Variants in ROCK1 observed in about 807,000 individuals in gnomAD.
The protein encoded by ROCK1 is rho-associated protein kinase 1.
Under a neutral mutation model 196.8 loss-of-function variants are expected in ROCK1, and 36 were observed. That is an observed-to-expected ratio of 0.18 (90% CI 0.14 to 0.24). The LOEUF is 0.24. Ranked by LOEUF, ROCK1 falls within the 10% of genes least tolerant of loss-of-function variation. The probability of loss-of-function intolerance (pLI) is 1.00; values close to 1 mark genes in which losing one functional copy is unlikely to be tolerated. For synonymous variants in ROCK1, 443 were observed against 515.9 expected (o/e 0.86, Z 1.91); for missense variants, 920 against 1,562.0 (o/e 0.59, Z 6.93).
intron 16 of ROCK1, among the ~76,000 whole-genome samples, chr18:21,004,595 A>G (rs1447001522): frequency 2.0e-5 from 3 of 152,252 alleles, no homozygotes; most frequent in Non-Finnish European, 4.4e-5. Context: ...TGTTGATAGT[A>G]CATGGATGAT....
chr18:21,031,621 A>AAG (rs1555750928), intron 9 of ROCK1, among the ~76,000 whole-genome samples: 19 of 150,236 alleles, frequency 1.3e-4, no homozygotes, highest in African/African-American at 3.9e-4. Flanking sequence ...AAAAAAAAAA[A>AAG]AAAAGAAAAT....
chr18:21,026,123 A>G (rs1268700406), intron 10 of ROCK1, among the ~76,000 whole-genome samples: 1 of 152,174 alleles, frequency 6.6e-6, no homozygotes, highest in Non-Finnish European at 1.5e-5. Flanking sequence ...ACCAAGTCAA[A>G]GAATAATTGA....
intron 9 of ROCK1, among the ~76,000 whole-genome samples, chr18:21,036,722 A>G (rs1461206899): frequency 6.6e-6 from 1 of 152,140 alleles, no homozygotes; most frequent in Non-Finnish European, 1.5e-5. Context: ...GATGACAAGC[A>G]TGAGCCACTG....
At chr18:21,051,384 G>C (rs538446688) in intron 2 of ROCK1, among the ~76,000 whole-genome samples, 1 of 152,284 alleles carries the variant, frequency 6.6e-6, no homozygotes, top group Admixed American at 6.5e-5. Flanking sequence ...AGCCCAGGAC[G>C]TGAAGGTTGC....
intron 9 of ROCK1, among the ~76,000 whole-genome samples, chr18:21,038,508 G>C (rs902962556): frequency 9.9e-5 from 15 of 152,044 alleles, no homozygotes; most frequent in Non-Finnish European, 2.1e-4. Flanking sequence ...TTGATAACTA[G>C]AATGCTTCAC....
intron 32 of ROCK1, among the ~76,000 whole-genome samples, chr18:20,951,894 A>G (rs1221534722): frequency 6.6e-6 from 1 of 152,178 alleles, no homozygotes; most frequent in Non-Finnish European, 1.5e-5. Context: ...TAATCTAGGG[A>G]GTACACTCTA....
At chr18:20,996,925 C>T (rs2035676356) in intron 16 of ROCK1, among the ~76,000 whole-genome samples, 1 of 151,924 alleles carries the variant, frequency 6.6e-6, no homozygotes, top group South Asian at 2.1e-4. Flanking sequence ...TCATGGTAAC[C>T]TCAAATCAAA....
chr18:20,981,915 G>C (rs994264521), intron 21 of ROCK1, among the ~76,000 whole-genome samples: 2 of 152,172 alleles, frequency 1.3e-5, no homozygotes, highest in Non-Finnish European at 2.9e-5. Flanking sequence ...AATCTGATTT[G>C]AAAACCCAGA....
intron 27 of ROCK1, among the ~76,000 whole-genome samples, chr18:20,965,432 C>G (rs574810264): frequency 6.7e-6 from 1 of 149,300 alleles, no homozygotes; most frequent in East Asian, 1.9e-4. Flanking sequence ...TACATACATA[C>G]ATACATACAT....
At chr18:21,066,368 T>C (rs924188292) in intron 2 of ROCK1, among the ~76,000 whole-genome samples, 4 of 152,216 alleles carry the variant, frequency 2.6e-5, no homozygotes, top group Admixed American at 2.0e-4. Context: ...TTAACTTACA[T>C]AGAAGTAATT....
rs1248267093 is a variant in ROCK1 at position 21,049,895 on chromosome 18, A to C, written c.176-15T>G. The C allele has an allele frequency of 2.8e-5, 40 of 1,453,064 alleles. No homozygotes were observed. The highest frequency in any genetic ancestry group is 3.8e-5 in the Non-Finnish European group (40 of 1,054,890). The allele number at this position is 1,453,064 out of a possible 1,614,324, so 90.0% of individuals were successfully genotyped here. On this transcript the variant is annotated splice_polypyrimidine_tract_variant and intron_variant, in intron 2 of 32. Coordinates refer to ENST00000399799, the MANE Select transcript of ROCK1 (RefSeq NM_005406.3). ...TGTGTCTTTATCTGTATGAAAAGAA[A>C]AGTTTATCATTTTAAATCACTAAAG...
chr18:21,055,553 TCTTAA>T (rs2143526922), intron 2 of ROCK1, among the ~76,000 whole-genome samples: 1 of 152,322 alleles, frequency 6.6e-6, no homozygotes, highest in East Asian at 1.9e-4. Context: ...ACTACTTCTA[TCTTAA>T]CTTAAACCCT....
chr18:21,077,551 G>A (rs6507132), intron 1 of ROCK1, among the ~76,000 whole-genome samples: 4,400 of 152,236 alleles, frequency 0.029, 230 homozygotes, highest in African/African-American at 0.098. Flanking sequence ...GAGTAGGGAG[G>A]ACTAATGGAC....
At chr18:21,090,581 C>A (rs1429094461) in intron 1 of ROCK1, among the ~76,000 whole-genome samples, 1 of 152,122 alleles carries the variant, frequency 6.6e-6, no homozygotes, top group African/African-American at 2.4e-5. Flanking sequence ...TCATACAGAC[C>A]TCCTGCAGTT....
At chr18:21,028,986 A>C in intron 9 of ROCK1, 51 bp from the exon 10 acceptor site, 1 of 1,557,646 alleles carries the variant, frequency 6.4e-7, no homozygotes, top group Non-Finnish European at 8.7e-7. Flanking sequence ...AATACAAGTA[A>C]AGTGAAGCAC....
In ROCK1 at chr18:20,982,639, C is replaced by T. The variant is rs28460186; in HGVS notation, c.2559+124G>A. 3.5e-3 allele frequency: 1,858 copies of T among 536,252 alleles called. 24 individuals carry two copies. Among genetic ancestry groups the T allele is most frequent in the African/African-American group, 0.033 (1,707 of 51,308 alleles). The allele number at this position is 536,252 out of a possible 1,614,324, so 33.2% of individuals were successfully genotyped here. A position where few individuals can be genotyped will look rare whatever the true frequency, so the allele number is the denominator to read the frequency against. Reference sequence around the variant, plus strand: ...GGACAAACAAAAAGCAGAAAAGTCACAATGTTTATTAGAAGATGAAGAGTC... The same window carrying T: ...GGACAAACAAAAAGCAGAAAAGTCATAATGTTTATTAGAAGATGAAGAGTC... On this transcript the variant is annotated intron_variant, in intron 21 of 32. Transcript: ENST00000399799.
intron 13 of ROCK1, among the ~76,000 whole-genome samples, chr18:21,011,615 C>T (rs942728605): frequency 3.3e-5 from 5 of 152,110 alleles, no homozygotes; most frequent in Admixed American, 6.5e-5. Flanking sequence ...ACTACCACAC[C>T]TGGCTAATTT....
chr18:20,956,517 C>T (rs2035243732), intron 29 of ROCK1, among the ~76,000 whole-genome samples: 1 of 152,120 alleles, frequency 6.6e-6, no homozygotes, highest in African/African-American at 2.4e-5. Flanking sequence ...TCCCAAAACC[C>T]CACAACCCTA....
At chr18:20,962,617 T>C (rs1229539063) in intron 27 of ROCK1, among the ~76,000 whole-genome samples, 5 of 152,152 alleles carry the variant, frequency 3.3e-5, no homozygotes, top group Non-Finnish European at 7.4e-5. Flanking sequence ...CAGTGTTCCT[T>C]AGAAATTTTA....
Sources: allele counts gnomAD v4.1 joint callset (sites outside exome capture counted in the v4.1 genomes callset), GRCh38; gene constraint gnomAD v4.1.1; transcripts MANE v1.5; gene names NCBI Gene and HGNC (gene_info 2026-07-23, HGNC 2026-07-21).